SNX29: variants seen among roughly 807,000 people sequenced by gnomAD.
SNX29 encodes the protein sorting nexin-29.
SNX29 carries 78 observed loss-of-function variants against 102.1 expected under a neutral mutation model. The ratio of observed to expected loss-of-function variants is 0.76; its 90% CI spans 0.64 to 0.92. The LOEUF (loss-of-function observed/expected upper bound fraction) is 0.92. Among genes scored for constraint, SNX29 ranks in the 40% least tolerant of loss-of-function variants. The pLI, the probability that SNX29 is intolerant of heterozygous loss-of-function variation, is 0.00. For synonymous variants in SNX29, 580 were observed against 414.5 expected (o/e 1.40, Z -4.85); for missense variants, 1,280 against 1,061.7 (o/e 1.21, Z -2.86).
chr16:12,215,948 T>C (rs2077313011), intron 14 of SNX29, among the ~76,000 whole-genome samples: 1 of 152,154 alleles, frequency 6.6e-6, no homozygotes, highest in South Asian at 2.1e-4. Context: ...CGTGCACAGT[T>C]GTGGGGCCTT....
intron 13 of SNX29, among the ~76,000 whole-genome samples, chr16:12,163,780 G>A (rs1361615126): frequency 6.6e-6 from 1 of 152,168 alleles, no homozygotes. Flanking sequence ...GGTCTCTGTT[G>A]GAGAGAACGG....
chr16:12,483,114 GTTTTTTTTTTTTTTT>G (rs574090459), intron 19 of SNX29, among the ~76,000 whole-genome samples: 10 of 66,196 alleles, frequency 1.5e-4, no homozygotes, highest in Non-Finnish European at 2.8e-4. Flanking sequence ...AAGTTATTAA[GTTTTTTTTTTTTTTT>G]TTTTTTTTTT....
intron 17 of SNX29, among the ~76,000 whole-genome samples, 165 bp from the exon 18 acceptor site, chr16:12,403,283 A>G (rs577361249): frequency 2.5e-4 from 37 of 150,820 alleles, no homozygotes; most frequent in African/African-American, 8.8e-4. Context: ...GTGATGACTT[A>G]AACTTGTCCT....
Position 12,539,439 on chromosome 16 carries a change from A to T in SNX29, c.2318+14598A>T, listed in dbSNP as rs1215558378. Among the ~76,000 whole-genome samples, 3 of 152,346 alleles carry T rather than the reference A, an allele frequency of 2.0e-5. No individual in the cohort carries two copies. The East Asian group carries it at 5.8e-4, about 29-fold the overall frequency. On this transcript the variant is annotated intron_variant, in intron 20 of 20. Coordinates refer to ENST00000566228, the MANE Select transcript of SNX29 (RefSeq NM_032167.5). ...TGGGTGAGTCAGCAGTGTTTTTATT[A>T]CTGAGCAGAGTTTGGTTAAATGGAT...
intron 20 of SNX29, among the ~76,000 whole-genome samples, chr16:12,550,806 G>A (rs1057197310): frequency 9.2e-5 from 14 of 152,128 alleles, no homozygotes; most frequent in African/African-American, 3.4e-4. Flanking sequence ...AGGGAGCCAA[G>A]AATATGTGTT....
intron 20 of SNX29, among the ~76,000 whole-genome samples, chr16:12,539,757 C>G (rs544599921): frequency 2.6e-5 from 4 of 152,180 alleles, no homozygotes; most frequent in African/African-American, 9.7e-5. Context: ...TCATCATGGT[C>G]TTAATTTGCA....
intron 13 of SNX29, among the ~76,000 whole-genome samples, chr16:12,164,452 A>T (rs1472685985): frequency 6.6e-6 from 1 of 152,194 alleles, no homozygotes; most frequent in Admixed American, 6.5e-5. Flanking sequence ...TGAGAAGTTC[A>T]ACTGCTACAT....
intron 20 of SNX29, among the ~76,000 whole-genome samples, chr16:12,550,667 G>C (rs544077778): frequency 1.3e-5 from 2 of 152,260 alleles, no homozygotes; most frequent in South Asian, 2.1e-4. Context: ...GAGGACCAAG[G>C]TGGGAAGACT....
At chr16:12,258,234 C>T (rs192101342) in intron 14 of SNX29, among the ~76,000 whole-genome samples, 16 of 152,300 alleles carry the variant, frequency 1.1e-4, no homozygotes, top group Middle Eastern at 3.4e-3. Context: ...TGTCATCTGC[C>T]GCCACCTGCC....
chr16:12,102,797 T>C (rs949405111), intron 11 of SNX29, among the ~76,000 whole-genome samples: 1 of 152,244 alleles, frequency 6.6e-6, no homozygotes, highest in Non-Finnish European at 1.5e-5. Context: ...GACATGATTG[T>C]ATATTTAGAA....
At chr16:12,208,801 A>G (rs1437225068) in intron 14 of SNX29, among the ~76,000 whole-genome samples, 2 of 151,082 alleles carry the variant, frequency 1.3e-5, no homozygotes, top group Non-Finnish European at 2.9e-5. Flanking sequence ...TGATCATGCT[A>G]CTGCACTCTA....
chr16:12,312,846 A>C (rs1229435970), intron 15 of SNX29, among the ~76,000 whole-genome samples: 2 of 152,068 alleles, frequency 1.3e-5, no homozygotes, highest in African/African-American at 4.8e-5. Context: ...CATTCCTGTG[A>C]CCATTCTAAA....
At chr16:12,136,468 G>C (rs1167000640) in intron 13 of SNX29, among the ~76,000 whole-genome samples, 1 of 152,200 alleles carries the variant, frequency 6.6e-6, no homozygotes, top group Non-Finnish European at 1.5e-5. Flanking sequence ...AAATTAGCTT[G>C]GGTCACCAGG....
intron 16 of SNX29, chr16:12,373,555 T>G (rs2082765203): frequency 6.6e-6 from 1 of 152,244 alleles, no homozygotes; most frequent in Admixed American, 6.5e-5. Flanking sequence ...ATCATAAACT[T>G]GGTTAAAATA....
Position 12,570,098 on chromosome 16 carries a change from G to A in SNX29, c.*1469G>A, listed in dbSNP as rs573534892. On this transcript the variant is annotated 3_prime_UTR_variant, in exon 21 of 21. Coordinates refer to ENST00000566228, the MANE Select transcript of SNX29 (RefSeq NM_032167.5). ...AAGGTTTATACTGTGCCTTCCCCTC[G>A]TAGCAAAAAGGAAGATTGTTCATGG... 159 of 961,816 alleles carry A rather than the reference G, an allele frequency of 1.7e-4. No individual in the cohort carries two copies. Among genetic ancestry groups the A allele is most frequent in the South Asian group, 5.5e-4 (11 of 20,028 alleles). The allele number at this position is 961,816 out of a possible 1,614,324, so 59.6% of individuals were successfully genotyped here.
rs573180272 is a variant in SNX29, at chr16:12,442,908, T to C, written c.2038-34811T>C. On this transcript the variant is annotated intron_variant, in intron 18 of 20. Transcript: ENST00000566228. ...ATACCTGGCTGTGTTCAAAAAAAAC[T>C]TTTTTTTCTGGTTTGACACTGAACT... is the stretch of plus-strand genomic sequence containing the variant. The C allele has an allele frequency of 2.8e-5, 12 of 421,988 alleles. No individual in the cohort carries two copies. The East Asian group carries it at 2.9e-4, about 10-fold the overall frequency. The allele number at this position is 421,988 out of a possible 1,614,324, so 26.1% of individuals were successfully genotyped here. A position where few individuals can be genotyped will look rare whatever the true frequency, so the allele number is the denominator to read the frequency against.
At chr16:12,397,524 G>C (rs185532330) in intron 16 of SNX29, among the ~76,000 whole-genome samples, 1 of 152,154 alleles carries the variant, frequency 6.6e-6, no homozygotes, top group Non-Finnish European at 1.5e-5. Context: ...TGTAAATTCA[G>C]TGTTCTCTTT....
chr16:12,299,724 C>A (rs975762489), intron 15 of SNX29, among the ~76,000 whole-genome samples: 3 of 150,060 alleles, frequency 2.0e-5, no homozygotes, highest in African/African-American at 7.4e-5. Flanking sequence ...CCCATCCCTT[C>A]TTTTTTAGTA....
At chr16:12,202,849 A>G (rs1385490723) in intron 14 of SNX29, among the ~76,000 whole-genome samples, 1 of 152,252 alleles carries the variant, frequency 6.6e-6, no homozygotes, top group Non-Finnish European at 1.5e-5. Context: ...GGGTCTGGGG[A>G]GAGCAGGTGC....
Sources: allele counts gnomAD v4.1 joint callset (sites outside exome capture counted in the v4.1 genomes callset), GRCh38; gene constraint gnomAD v4.1.1; transcripts MANE v1.5; gene names NCBI Gene and HGNC (gene_info 2026-07-23, HGNC 2026-07-21).